The following RAD51B variants were observed in gnomAD, a reference collection of about 807,000 sequenced individuals.
RAD51B encodes RAD51 paralog B.
A neutral mutation model predicts 42.2 loss-of-function variants in RAD51B; 38 were observed. The observed-to-expected ratio is 0.90, with a 90% CI of 0.70 to 1.18. The LOEUF (loss-of-function observed/expected upper bound fraction) is 1.18, where lower values mean the gene tolerates loss of function less well. RAD51B is among the 50% of genes most tolerant of loss of function. The probability of loss-of-function intolerance (pLI) is 0.00; values close to 1 mark genes in which losing one functional copy is unlikely to be tolerated. For missense variants in RAD51B, 373 were observed against 400.7 expected, an observed-to-expected ratio of 0.93 and a Z score of 0.59; for synonymous variants, 154 against 145.2, an observed-to-expected ratio of 1.06 and a Z score of -0.43.
chr14:68,112,345 C>T (rs931097659), intron 7 of RAD51B, among the ~76,000 whole-genome samples: 6 of 151,976 alleles, frequency 3.9e-5, no homozygotes, highest in Non-Finnish European at 1.5e-5. Context: ...CCATCCCCTC[C>T]ACACCTTCTT....
At chr14:68,203,415 A>G (rs1438138756) in intron 7 of RAD51B, among the ~76,000 whole-genome samples, 1 of 152,196 alleles carries the variant, frequency 6.6e-6, no homozygotes, top group Non-Finnish European at 1.5e-5. Flanking sequence ...TAAAATATTC[A>G]TTAAGACATA....
intron 7 of RAD51B, among the ~76,000 whole-genome samples, chr14:68,016,848 T>G (rs1225486140): frequency 6.6e-6 from 1 of 152,208 alleles, no homozygotes; most frequent in East Asian, 1.9e-4. Flanking sequence ...TTCACTGGAA[T>G]GTTTTCTGGA....
intron 9 of RAD51B, among the ~76,000 whole-genome samples, chr14:68,441,649 C>T (rs1036752759): frequency 6.6e-6 from 1 of 150,922 alleles, no homozygotes; most frequent in Non-Finnish European, 1.5e-5. Context: ...TTTTCCATTG[C>T]AAAAAAGATA....
At chr14:68,456,101 A>G (rs2085679617) in intron 9 of RAD51B, among the ~76,000 whole-genome samples, 1 of 152,254 alleles carries the variant, frequency 6.6e-6, no homozygotes, top group Non-Finnish European at 1.5e-5. Context: ...GAGAGTTAAA[A>G]TTGTACACTA....
chr14:68,599,234 G>A (rs191457273), downstream of RAD51B, among the ~76,000 whole-genome samples: 2 of 152,208 alleles, frequency 1.3e-5, no homozygotes, highest in Admixed American at 1.3e-4. Context: ...CTGAGGAGGA[G>A]GGAAAGGATG....
intron 7 of RAD51B, among the ~76,000 whole-genome samples, chr14:68,048,025 A>G (rs2076331135): frequency 6.6e-6 from 1 of 152,212 alleles, no homozygotes; most frequent in African/African-American, 2.4e-5. Context: ...ATATGGAAAT[A>G]TTTGTTGGGT....
At position 68,339,324 on chromosome 14, in the gene RAD51B, A is replaced by T; in HGVS notation, c.853+47344A>T. 5.2e-6 allele frequency: 5 copies of T among 966,890 alleles called. No individual in the cohort carries two copies. The Admixed American group carries it at 7.0e-5, about 14-fold the overall frequency. 59.9% of individuals were successfully genotyped at this position (966,890 alleles called of 1,614,324 possible). A position where few individuals can be genotyped will look rare whatever the true frequency, so the allele number is the denominator to read the frequency against. The stretch of plus-strand genomic sequence containing the variant: ...AGGCACTTACATCCACTTACAGAGG[A>T]TGGCTCTCTGCCGCTGCAACCTGAT... On this transcript the variant is annotated intron_variant, in intron 8 of 10. Transcript: ENST00000471583.
downstream of RAD51B, among the ~76,000 whole-genome samples, chr14:68,600,114 A>G (rs1038247822): frequency 2.6e-5 from 4 of 152,218 alleles, no homozygotes; most frequent in African/African-American, 9.7e-5. Context: ...GGGAAAGCCT[A>G]CCTGATGGCC....
chr14:68,594,801 G>A, exon 11 of RAD51B: 1 of 1,235,682 alleles, frequency 8.1e-7, no homozygotes. Flanking sequence ...AATGAGAAAG[G>A]GGGCAATGGA....
intron 7 of RAD51B, among the ~76,000 whole-genome samples, chr14:68,237,430 T>C (rs894284116): frequency 6.6e-6 from 1 of 152,226 alleles, no homozygotes; most frequent in Non-Finnish European, 1.5e-5. Flanking sequence ...TATTGAAACA[T>C]AGTTCACATA....
chr14:68,600,095 G>C (rs1048174037), downstream of RAD51B, among the ~76,000 whole-genome samples: 1 of 152,222 alleles, frequency 6.6e-6, no homozygotes, highest in African/African-American at 2.4e-5. Flanking sequence ...GGATGCAGCA[G>C]GCAGGTGTGG....
At chr14:68,533,499 G>A (rs1887435674) in intron 10 of RAD51B, among the ~76,000 whole-genome samples, 1 of 152,206 alleles carries the variant, frequency 6.6e-6, no homozygotes. Flanking sequence ...TTGCCTTTAA[G>A]AGAAACAGAG....
Position 68,468,180 on chromosome 14 carries a change from T to G in RAD51B, c.966T>G (p.Ile322Met). ...ATGTGCTTTATGTGCAGATTCTTAT[T>G]GCCAAGTCCCCTCTGGCTCCCTTCA... The part of the protein sequence containing the change: ...YLDSERRQIL[I>M]AKSPLAPFTS... Residue 322 changes from isoleucine to methionine, a missense_variant, in exon 10 of 11, where the codon ATT (isoleucine) becomes ATG (methionine). Coordinates refer to ENST00000471583, the MANE Select transcript of RAD51B (RefSeq NM_133510.4). 1 of 1,613,972 alleles carries G rather than the reference T, an allele frequency of 6.2e-7. No individual in the cohort carries two copies. Among genetic ancestry groups the G allele is most frequent in the Non-Finnish European group, 8.5e-7 (1 of 1,179,836 alleles).
At chr14:68,594,122 C>G (rs1382842262) in intron 10 of RAD51B, among the ~76,000 whole-genome samples, 1 of 152,044 alleles carries the variant, frequency 6.6e-6, no homozygotes, top group Admixed American at 6.5e-5. Context: ...TCCCCCACCC[C>G]CCGTGCTCCC....
At chr14:68,411,594 C>T (rs1038894599) in intron 9 of RAD51B, 67 bp downstream of exon 9, 16 of 1,458,802 alleles carry the variant, frequency 1.1e-5, no homozygotes, top group African/African-American at 5.6e-5. Context: ...GCAATCTGAG[C>T]GTCTTCTGAA....
chr14:67,997,000 C>T (rs968002842), intron 7 of RAD51B, among the ~76,000 whole-genome samples: 2 of 151,984 alleles, frequency 1.3e-5, no homozygotes, highest in Non-Finnish European at 2.9e-5. Context: ...TTTGTTTTTT[C>T]CTGTGTAAGT....
chr14:67,899,068 A>G (rs1007694910), intron 7 of RAD51B, among the ~76,000 whole-genome samples: 1 of 151,408 alleles, frequency 6.6e-6, no homozygotes, highest in African/African-American at 2.4e-5. Flanking sequence ...TTTGAGTCAG[A>G]GTTTTGCTCT....
In RAD51B at chr14:67,825,573, A is replaced by G. The variant is rs1349356218; in HGVS notation, c.194A>G (p.Gln65Arg). The G allele has an allele frequency of 6.3e-7, 1 of 1,587,552 alleles. No homozygotes were observed. Among genetic ancestry groups the G allele is most frequent in the Non-Finnish European group, 8.6e-7 (1 of 1,161,618 alleles). ...AGCAGGGCCTGTGCCCCAAAGATGC[A>G]AACGGTATATTTATATTTTATTATG... ...MVSRACAPKM[Q>R]TAYGIKAQRS... Residue 65 changes from glutamine to arginine, a missense_variant, in exon 3 of 11, where the codon CAA becomes CGA. Gln to Arg is a conservative substitution (Grantham distance 43, BLOSUM62 1). Transcript: ENST00000471583.
chr14:68,025,689 T>G (rs1429462563), intron 7 of RAD51B, among the ~76,000 whole-genome samples: 1 of 151,982 alleles, frequency 6.6e-6, no homozygotes, highest in Non-Finnish European at 1.5e-5. Flanking sequence ...TCTCTGAGGA[T>G]CTTTCGTTTT....
Sources: gnomAD v4.1 joint callset for allele counts (sites outside exome capture counted in the v4.1 genomes callset) on GRCh38, gnomAD v4.1.1 for gene constraint, MANE v1.5 for transcripts, NCBI Gene and HGNC (gene_info 2026-07-23, HGNC 2026-07-21) for gene names.